The following SLC35F3 variants were observed in gnomAD, a reference collection of about 807,000 sequenced individuals.
SLC35F3 encodes the protein putative thiamine transporter SLC35F3.
Under a neutral mutation model 49.9 loss-of-function variants are expected in SLC35F3, and 25 were observed. That is an observed-to-expected ratio of 0.50 (90% confidence interval 0.37 to 0.70). The LOEUF (loss-of-function observed/expected upper bound fraction) is 0.70. SLC35F3 is among the 30% of genes least tolerant of loss of function. The pLI, the probability that SLC35F3 is intolerant of heterozygous loss-of-function variation, is 0.00. For missense variants in SLC35F3, 525 were observed against 639.8 expected, an observed-to-expected ratio of 0.82 and a Z score of 1.94; for synonymous variants, 275 against 265.4, an observed-to-expected ratio of 1.04 and a Z score of -0.35.
At chr1:234,215,979 T>C (rs1667115163) in intron 2 of SLC35F3, among the ~76,000 whole-genome samples, 1 of 152,246 alleles carries the variant, frequency 6.6e-6, no homozygotes, top group Non-Finnish European at 1.5e-5. Flanking sequence ...CAACATTTTC[T>C]ATCTTTAGGA....
chr1:234,293,221 G>C (rs902622027), intron 3 of SLC35F3, among the ~76,000 whole-genome samples: 1 of 152,178 alleles, frequency 6.6e-6, no homozygotes, highest in African/African-American at 2.4e-5. Flanking sequence ...TGCACAGAAA[G>C]GAGCCATAAA....
intron 2 of SLC35F3, chr1:234,213,041 G>C (rs966165495): frequency 6.6e-6 from 1 of 152,162 alleles, no homozygotes. Context: ...CATTACAGCT[G>C]TTCAAGAGGG....
At chr1:234,044,025 T>C (rs1175919775) in intron 2 of SLC35F3, among the ~76,000 whole-genome samples, 2 of 152,208 alleles carry the variant, frequency 1.3e-5, no homozygotes, top group Non-Finnish European at 2.9e-5. Context: ...CTTTACCAGG[T>C]AGGGCCTAAT....
intron 3 of SLC35F3, among the ~76,000 whole-genome samples, chr1:234,294,491 C>G (rs765613557): frequency 9.2e-5 from 14 of 152,208 alleles, no homozygotes; most frequent in Non-Finnish European, 1.2e-4. Flanking sequence ...TACTAACTAG[C>G]TCCCCATCAC....
At chr1:234,107,243 A>G (rs777482691) in intron 2 of SLC35F3, among the ~76,000 whole-genome samples, 1 of 152,182 alleles carries the variant, frequency 6.6e-6, no homozygotes, top group East Asian at 1.9e-4. Flanking sequence ...AAGCAAGTCA[A>G]TGGCCAAACA....
intron 2 of SLC35F3, among the ~76,000 whole-genome samples, chr1:234,021,757 G>A (rs969237691): frequency 3.9e-5 from 6 of 152,056 alleles, no homozygotes; most frequent in Non-Finnish European, 5.9e-5. Context: ...ACTATTCCAC[G>A]CACACCATTC....
rs570285979 is a variant in SLC35F3, at chr1:234,047,556, C to A, written c.283+141798C>A. 1.1e-4 allele frequency among the ~76,000 whole-genome samples: 16 copies of A among 152,300 alleles called. No homozygotes were observed. In the South Asian group the frequency reaches 3.3e-3, roughly 32 times the overall value. ...TCTTCCTGCGTCATGAACTTACTGG[C>A]CTTTGGACTATAATAGAACTATACC... On this transcript the variant is annotated intron_variant, in intron 2 of 7. Transcript: ENST00000366618.
At chr1:233,970,385 T>C (rs1205584043) in intron 2 of SLC35F3, among the ~76,000 whole-genome samples, 3 of 152,220 alleles carry the variant, frequency 2.0e-5, no homozygotes, top group African/African-American at 7.2e-5. Flanking sequence ...CTGTGCCTGA[T>C]GCAGATAATA....
chr1:234,243,939 A>G (rs530187704), intron 3 of SLC35F3, among the ~76,000 whole-genome samples: 1 of 152,366 alleles, frequency 6.6e-6, no homozygotes, highest in Admixed American at 6.5e-5. Flanking sequence ...CACTGGCCAC[A>G]TCACAGAATC....
intron 2 of SLC35F3, among the ~76,000 whole-genome samples, chr1:234,142,636 T>G (rs1475063928): frequency 6.6e-6 from 1 of 151,106 alleles, no homozygotes; most frequent in Non-Finnish European, 1.5e-5. Flanking sequence ...GCTCTGTGCC[T>G]TTGATAAAAC....
intron 2 of SLC35F3, among the ~76,000 whole-genome samples, chr1:234,051,977 A>C (rs1230268528): frequency 6.6e-6 from 1 of 152,180 alleles, no homozygotes; most frequent in Non-Finnish European, 1.5e-5. Context: ...GCCTTGCATC[A>C]CAGGGATGAA....
chr1:233,986,847 G>C (rs993723657), intron 2 of SLC35F3, among the ~76,000 whole-genome samples: 4 of 152,236 alleles, frequency 2.6e-5, no homozygotes, highest in South Asian at 4.1e-4. Flanking sequence ...TACGTCCCAG[G>C]CTTTCTGGGA....
chr1:234,272,125 C>CA (rs537083696), intron 3 of SLC35F3, among the ~76,000 whole-genome samples: 76 of 151,668 alleles, frequency 5.0e-4, no homozygotes, highest in African/African-American at 1.7e-3. Flanking sequence ...GACTCTGTCT[C>CA]AAAAAAAGAA....
intron 2 of SLC35F3, among the ~76,000 whole-genome samples, chr1:234,014,050 A>G (rs1663765454): frequency 6.6e-6 from 1 of 152,234 alleles, no homozygotes; most frequent in Non-Finnish European, 1.5e-5. Flanking sequence ...AAAGAAAATT[A>G]TAGACCAATA....
intron 3 of SLC35F3, among the ~76,000 whole-genome samples, chr1:234,241,753 A>T (rs950552654): frequency 4.1e-4 from 63 of 152,046 alleles, no homozygotes; most frequent in African/African-American, 1.5e-3. Context: ...AAAAAAAAAA[A>T]AAATGGAGAC....
At chr1:233,941,962 G>GTT (rs547024039) in intron 2 of SLC35F3, among the ~76,000 whole-genome samples, 5 of 118,898 alleles carry the variant, frequency 4.2e-5, no homozygotes, top group African/African-American at 5.7e-5. Context: ...TTGTTTTTTT[G>GTT]TTTTTTTTTT....
chr1:234,232,531 A>AAAAAAAG (rs1553317262), intron 3 of SLC35F3, among the ~76,000 whole-genome samples: 10 of 149,118 alleles, frequency 6.7e-5, no homozygotes, highest in African/African-American at 2.5e-4. Flanking sequence ...AAAAAAAAAA[A>AAAAAAAG]AAAAAAAAAG....
chr1:234,274,404 A>G (rs976111008), intron 3 of SLC35F3: 2 of 152,276 alleles, frequency 1.3e-5, no homozygotes, highest in African/African-American at 2.4e-5. Context: ...GGTATAAGAC[A>G]TGGTCTGGTA....
intron 3 of SLC35F3, among the ~76,000 whole-genome samples, chr1:234,236,925 TTATATATATATATATA>T (rs55846915): frequency 0.13 from 12,600 of 96,272 alleles, 1,163 homozygotes; most frequent in Middle Eastern, 0.32. Context: ...AAAAAAAAAA[TTATATATATATATATA>T]TATATATATA....
Sources: gnomAD v4.1 joint callset for allele counts (sites outside exome capture counted in the v4.1 genomes callset) on GRCh38, gnomAD v4.1.1 for gene constraint, MANE v1.5 for transcripts, NCBI Gene and HGNC (gene_info 2026-07-23, HGNC 2026-07-21) for gene names.